Variants in KDM6A observed in about 807,000 individuals in gnomAD.
KDM6A encodes lysine-specific demethylase 6A.
A neutral mutation model predicts 117.6 loss-of-function variants in KDM6A; 11 were observed. That is an observed-to-expected ratio of 0.09 (90% CI 0.06 to 0.15). The LOEUF (loss-of-function observed/expected upper bound fraction) is 0.15. Ranked by LOEUF, KDM6A falls within the 10% of genes least tolerant of loss-of-function variation. KDM6A has a pLI of 1.00. For synonymous variants in KDM6A, 384 were observed against 396.1 expected (o/e 0.97, Z 0.36); for missense variants, 799 against 1,077.3 (o/e 0.74, Z 3.62).
chrX:44,875,830 A>G (rs887812477), intron 2 of KDM6A, among the ~76,000 whole-genome samples: 1 of 111,928 alleles, frequency 8.9e-6, no homozygotes, highest in Admixed American at 9.5e-5. Context: ...GAGAATGTGT[A>G]AAATGCTAGT....
chrX:45,103,362 T>C (rs2046402075), intron 27 of KDM6A, among the ~76,000 whole-genome samples: 1 of 111,105 alleles, frequency 9.0e-6, no homozygotes, highest in South Asian at 3.8e-4. Flanking sequence ...CTCTTTTTCC[T>C]GTTCATAATC....
intron 2 of KDM6A, among the ~76,000 whole-genome samples, chrX:44,919,410 G>T (rs2035762159): frequency 1.8e-5 from 2 of 110,662 alleles, no homozygotes; most frequent in Non-Finnish European, 3.8e-5. Context: ...TTCTGATGAT[G>T]ATTAGACTGG....
At chrX:44,983,239 C>T (rs1057427603) in intron 4 of KDM6A, among the ~76,000 whole-genome samples, 6 of 111,313 alleles carry the variant, frequency 5.4e-5, no homozygotes, top group Admixed American at 9.6e-5. Context: ...TAAGGAAGCC[C>T]CCCAAGTCAG....
At chrX:45,066,999 A>C (rs143650847) in intron 17 of KDM6A, among the ~76,000 whole-genome samples, 1,723 of 112,204 alleles carry the variant, frequency 0.015, 16 homozygotes, top group Non-Finnish European at 0.025. Context: ...AAGTTTCTGC[A>C]TATCACTACA....
chrX:45,109,940 C>G, intron 28 of KDM6A, 139 bp from the exon 29 acceptor site: 1 of 554,901 alleles, frequency 1.8e-6, no homozygotes. Flanking sequence ...TCAAACACAG[C>G]CATGTTTTTC....
At chrX:45,028,733 C>T (rs2042479914) in intron 6 of KDM6A, among the ~76,000 whole-genome samples, 1 of 112,164 alleles carries the variant, frequency 8.9e-6, no homozygotes, top group East Asian at 2.8e-4. Context: ...TACGAGGCAA[C>T]CTCCTAATTA....
chrX:45,049,811 TA>T (rs1283592657), intron 8 of KDM6A, among the ~76,000 whole-genome samples: 1 of 112,471 alleles, frequency 8.9e-6, no homozygotes, highest in Non-Finnish European at 1.9e-5. Flanking sequence ...TGAGAAGTAT[TA>T]TAATGTTATC....
intron 2 of KDM6A, among the ~76,000 whole-genome samples, chrX:44,933,475 A>G (rs1357482097): frequency 2.8e-5 from 3 of 108,251 alleles, no homozygotes; most frequent in African/African-American, 6.8e-5. Context: ...GGGTTACGCT[A>G]TGTTGGCCAG....
chrX:45,026,179 C>T (rs2042357837), intron 6 of KDM6A, among the ~76,000 whole-genome samples: 1 of 112,315 alleles, frequency 8.9e-6, no homozygotes, highest in South Asian at 3.6e-4. Context: ...TACAAACTGA[C>T]ACTGCAGTTG....
intron 8 of KDM6A, among the ~76,000 whole-genome samples, chrX:45,041,883 T>TG (rs1366339160): frequency 3.6e-5 from 4 of 110,005 alleles, no homozygotes; most frequent in African/African-American, 6.7e-5. Flanking sequence ...CTCGGCACTT[T>TG]GGGGGGCCAA....
intron 2 of KDM6A, among the ~76,000 whole-genome samples, chrX:44,875,493 C>T (rs1456627172): frequency 1.8e-5 from 2 of 110,344 alleles, no homozygotes; most frequent in African/African-American, 6.6e-5. Flanking sequence ...ACAATTATTG[C>T]TGTAAAAATG....
rs1032201472 is a variant in KDM6A at position 45,063,429 on chromosome X, C to T, written c.1691C>T (p.Pro564Leu). The change falls in exon 17 of 30, where the codon CCA becomes CTA. Residue 564 changes from proline to leucine, a missense_variant. Pro to Leu is a moderately conservative substitution (Grantham distance 98). Transcript: ENST00000611820. ...FVLMQQHQMRPTGVAQVRSTG... is the reference protein window; with the variant it reads ...FVLMQQHQMRLTGVAQVRSTG... ...CCTTTGTTTTTTTGACAGATGAGAC[C>T]AACAGGAGTTGCACAGGTACGATCT... 5.8e-6 allele frequency: 7 copies of T among 1,204,381 alleles called. No homozygotes were observed. The highest frequency in any genetic ancestry group is 7.8e-6 in the Non-Finnish European group (7 of 894,370).
At chrX:45,009,005 C>T (rs1278876425) in intron 4 of KDM6A, among the ~76,000 whole-genome samples, 1 of 111,487 alleles carries the variant, frequency 9.0e-6, no homozygotes, top group Non-Finnish European at 1.9e-5. Context: ...AGGAAATGCA[C>T]AATATAATTT....
At chrX:44,954,116 TAA>T (rs903223364) in intron 2 of KDM6A, among the ~76,000 whole-genome samples, 1 of 103,807 alleles carries the variant, frequency 9.6e-6, no homozygotes, top group Admixed American at 1.0e-4. Context: ...CTTTCCTCAT[TAA>T]AAAAAAAAAG....
chrX:45,088,844 T>C (rs2045766472), intron 25 of KDM6A, among the ~76,000 whole-genome samples: 2 of 112,887 alleles, frequency 1.8e-5, no homozygotes, highest in Admixed American at 1.9e-4. Context: ...ATCTAAGGAA[T>C]GTTTCCAAAG....
chrX:44,951,401 G>T (rs1299855352), intron 2 of KDM6A, among the ~76,000 whole-genome samples: 2 of 111,593 alleles, frequency 1.8e-5, no homozygotes, highest in African/African-American at 6.5e-5. Context: ...GTCTGAACTG[G>T]TGTATTATTT....
At chrX:45,002,044 C>A (rs976255759) in intron 4 of KDM6A, among the ~76,000 whole-genome samples, 1 of 111,254 alleles carries the variant, frequency 9.0e-6, no homozygotes, top group African/African-American at 3.3e-5. Context: ...AGAAACTGAT[C>A]TTTTGTTTTA....
intron 18 of KDM6A, among the ~76,000 whole-genome samples, chrX:45,075,900 A>G (rs764710154): frequency 2.7e-5 from 3 of 111,485 alleles, no homozygotes; most frequent in Non-Finnish European, 5.7e-5. Flanking sequence ...TGAACTTGTA[A>G]TAATTCGGTG....
chrX:44,885,484 G>A (rs1329035629), intron 2 of KDM6A, among the ~76,000 whole-genome samples: 1 of 110,838 alleles, frequency 9.0e-6, no homozygotes, highest in Non-Finnish European at 1.9e-5. Context: ...AGAAAGGATG[G>A]TACAGTGAAA....
Sources: gnomAD v4.1 joint callset for allele counts (sites outside exome capture counted in the v4.1 genomes callset) on GRCh38, gnomAD v4.1.1 for gene constraint, MANE v1.5 for transcripts, NCBI Gene and HGNC (gene_info 2026-07-23, HGNC 2026-07-21) for gene names.